The following VSTM1 variants were observed in gnomAD, a reference collection of about 807,000 sequenced individuals.
The protein encoded by VSTM1 is V-set and transmembrane domain containing 1, also known as V-set and transmembrane domain-containing protein 1.
A neutral mutation model predicts 33.1 loss-of-function variants in VSTM1; 27 were observed. That is an observed-to-expected ratio of 0.82 (90% CI 0.60 to 1.12). The LOEUF (loss-of-function observed/expected upper bound fraction) is 1.12, where lower values mean the gene tolerates loss of function less well. Among genes scored for constraint, VSTM1 ranks in the 50% most tolerant of loss-of-function variants. The probability of loss-of-function intolerance (pLI) is 0.00; values close to 1 mark genes in which losing one functional copy is unlikely to be tolerated. For synonymous variants in VSTM1, 115 were observed against 110.3 expected, an observed-to-expected ratio of 1.04 and a Z score of -0.27; for missense variants, 304 against 288.9, an observed-to-expected ratio of 1.05 and a Z score of -0.38.
chr19:54,041,231 GT>G, intron 8 of VSTM1, 151 bp from the exon 9 acceptor site: 1 of 768,694 alleles, frequency 1.3e-6, no homozygotes. Context: ...TTTCTTTTCT[GT>G]TTTTATAACC....
chr19:54,042,843 T>TACAC (rs2070389724), intron 4 of VSTM1, among the ~76,000 whole-genome samples: 1 of 128,872 alleles, frequency 7.8e-6, no homozygotes, highest in Admixed American at 8.0e-5. Context: ...TATATACATA[T>TACAC]ATATATATAT....
At chr19:54,063,320 AGAGT>A (rs1168030233) in intron 1 of VSTM1, among the ~76,000 whole-genome samples, 18 of 152,202 alleles carry the variant, frequency 1.2e-4, no homozygotes, top group Admixed American at 8.5e-4. Context: ...CCTGGGCTAC[AGAGT>A]GAGACTCTGT....
rs1349820836 is a variant in VSTM1 at position 54,056,849 on chromosome 19, C to T, written c.355+1457G>A. Among the ~76,000 whole-genome samples, 8 of 125,516 alleles carry T rather than the reference C, an allele frequency of 6.4e-5. 2 individuals carry two copies. The South Asian group carries it at 1.2e-3, about 19-fold the overall frequency. The allele number at this position is 125,516 out of a possible 152,430, so 82.3% of individuals were successfully genotyped here. On this transcript the variant is annotated intron_variant, in intron 3 of 8. Coordinates refer to ENST00000338372, the MANE Select transcript of VSTM1 (RefSeq NM_198481.4). ...TCCACATTGAAGGTGTTGCATCTAT[C>T]CTTCTTCTTCTTTTTTTTTTTTAGA...
At position 54,058,482 on chromosome 19, in the gene VSTM1, A is replaced by G. The variant is rs941103357; in HGVS notation, c.179T>C (p.Leu60Pro). ...GTACCCAGAGTCGTTCACCTTGCGC[A>G]GCACAAATGTCACATTCTGGGAATG... The part of the protein sequence containing the change: ...QAHSQNVTFV[L>P]RKVNDSGYKQ... The change falls in exon 3 of 9, where the codon CTG becomes CCG. Residue 60 changes from leucine to proline, a missense_variant. Physicochemically the swap from Leu to Pro is moderately conservative, Grantham distance 98. Transcript: ENST00000338372. 1.2e-6 allele frequency: 2 copies of G among 1,614,102 alleles called. No individual in the cohort carries two copies. The highest frequency in any genetic ancestry group is 1.1e-5 in the South Asian group (1 of 91,086).
intron 1 of VSTM1, among the ~76,000 whole-genome samples, chr19:54,061,678 T>G (rs2071400312): frequency 6.6e-6 from 1 of 152,134 alleles, no homozygotes; most frequent in Non-Finnish European, 1.5e-5. Flanking sequence ...TAGTCCAACA[T>G]GGTGGTGTGC....
At chr19:54,050,358 A>G (rs560872675) in intron 4 of VSTM1, among the ~76,000 whole-genome samples, 1 of 152,184 alleles carries the variant, frequency 6.6e-6, no homozygotes, top group Non-Finnish European at 1.5e-5. Flanking sequence ...TTGTTAATGA[A>G]TAAGCAACAT....
At chr19:54,048,764 G>A (rs1308198248) in intron 4 of VSTM1, among the ~76,000 whole-genome samples, 2 of 152,086 alleles carry the variant, frequency 1.3e-5, no homozygotes, top group African/African-American at 4.8e-5. Flanking sequence ...TTAGCCAAGA[G>A]GTGCAGACAA....
intron 4 of VSTM1, among the ~76,000 whole-genome samples, chr19:54,047,767 GAGA>G (rs1568460173): frequency 6.6e-6 from 1 of 152,148 alleles, no homozygotes; most frequent in Non-Finnish European, 1.5e-5. Context: ...CACTAGAAAT[GAGA>G]AGTACATTAT....
At position 54,057,229 on chromosome 19, in the gene VSTM1, G is replaced by A. The variant is rs143725853; in HGVS notation, c.355+1077C>T. Reference sequence around the variant, plus strand: ...TGTCCCACGACAGGAAAAGAAATACGTGCATCAGGCAGGCTTTGGTGACTC... The same window carrying A: ...TGTCCCACGACAGGAAAAGAAATACATGCATCAGGCAGGCTTTGGTGACTC... On this transcript the variant is annotated intron_variant, in intron 3 of 8. Coordinates refer to ENST00000338372, the MANE Select transcript of VSTM1 (RefSeq NM_198481.4). 1.7e-4 allele frequency among the ~76,000 whole-genome samples: 24 copies of A among 140,698 alleles called. 4 individuals carry two copies. Among genetic ancestry groups the A allele is most frequent in the Non-Finnish European group, 2.8e-4 (18 of 63,926 alleles). 92.3% of individuals were successfully genotyped at this position (140,698 alleles called of 152,430 possible).
intron 4 of VSTM1, chr19:54,048,541 G>A: frequency 5.5e-6 from 1 of 182,338 alleles, no homozygotes. Context: ...GTGTTGACAA[G>A]GATGTGGAGA....
chr19:54,052,484 T>C lies in VSTM1; in HGVS notation c.356-1036A>G, dbSNP rs905210548. On this transcript the variant is annotated intron_variant, in intron 3 of 8. Coordinates refer to ENST00000338372, the MANE Select transcript of VSTM1 (RefSeq NM_198481.4). Reference sequence around the variant, plus strand: ...GCAACCACCAGTTGCTTCTGTGAGTTTGGCTTTTTTAGACTACACATATGA... The same window carrying C: ...GCAACCACCAGTTGCTTCTGTGAGTCTGGCTTTTTTAGACTACACATATGA... 2.1e-5 allele frequency among the ~76,000 whole-genome samples: 3 copies of C among 142,476 alleles called. 1 individual carries two copies. Among genetic ancestry groups the C allele is most frequent in the Admixed American group, 1.4e-4 (2 of 13,940 alleles). The allele number at this position is 142,476 out of a possible 152,430, so 93.5% of individuals were successfully genotyped here. A position where few individuals can be genotyped will look rare whatever the true frequency, so the allele number is the denominator to read the frequency against.
chr19:54,061,475 C>T (rs2071391842), intron 1 of VSTM1, among the ~76,000 whole-genome samples: 1 of 152,084 alleles, frequency 6.6e-6, no homozygotes, highest in Admixed American at 6.6e-5. Flanking sequence ...TCCAATATAA[C>T]TTACAAGAAG....
chr19:54,052,972 AC>A (rs1216126714), intron 3 of VSTM1: 1 of 61,822 alleles, frequency 1.6e-5, no homozygotes, highest in Non-Finnish European at 2.9e-5. Flanking sequence ...ACCGAGTGGG[AC>A]CCTGTCTCAA....
In VSTM1 at chr19:54,061,016, CTTT is replaced by C. The variant is rs10693760; in HGVS notation, c.35-2287_35-2285del. Among the ~76,000 whole-genome samples the C allele has an allele frequency of 6.2e-3, 709 of 115,026 alleles. 5 individuals carry two copies. The highest frequency in any genetic ancestry group is 0.022 in the African/African-American group (659 of 29,822). The allele number at this position is 115,026 out of a possible 152,430, so 75.5% of individuals were successfully genotyped here. A position where few individuals can be genotyped will look rare whatever the true frequency, so the allele number is the denominator to read the frequency against. ...CCAATTCCCATATTCTTTTTCTTTT[CTTT>C]TTTTTTTTTTTTTTTTGACATGGAG... On this transcript the variant is annotated intron_variant, in intron 1 of 8. Transcript: ENST00000338372.
rs755689564 is a variant in VSTM1 at position 54,042,376 on chromosome 19, G to A, written c.395-7C>T. 2 of 1,612,736 alleles carry A rather than the reference G, an allele frequency of 1.2e-6. No individual in the cohort carries two copies. The highest frequency in any genetic ancestry group is 1.8e-4 in the Middle Eastern group (1 of 5,662). On this transcript the variant is annotated splice_region_variant and splice_polypyrimidine_tract_variant and intron_variant, in intron 4 of 8. Coordinates refer to ENST00000338372, the MANE Select transcript of VSTM1 (RefSeq NM_198481.4). ...ACAAAGATGGTTCTGGTGTCTGGAG[G>A]GGGAAGAGCAGGTCAGGGAATCAGC... is the stretch of plus-strand genomic sequence containing the variant.
chr19:54,049,026 G>T (rs2070725239), intron 4 of VSTM1, among the ~76,000 whole-genome samples: 2 of 152,190 alleles, frequency 1.3e-5, no homozygotes, highest in African/African-American at 4.8e-5. Context: ...GGAGGTTGCA[G>T]TGAGCTGAGA....
In VSTM1 at chr19:54,058,410, G is replaced by A. The variant is rs368169687; in HGVS notation, c.251C>T (p.Thr84Met). 34 of 1,614,098 alleles carry A rather than the reference G, an allele frequency of 2.1e-5. No homozygotes were observed. Among genetic ancestry groups the A allele is most frequent in the Admixed American group, 1.0e-4 (6 of 59,982 alleles). The change falls in exon 3 of 9, where the codon ACG (threonine) becomes ATG (methionine). Residue 84 changes from threonine (T) to methionine (M), a missense_variant. Thr to Met is a moderately conservative substitution (Grantham distance 81). Transcript: ENST00000338372. ...CCCAGCATCCTTAGGCTTCAGGTCC[G>A]TGAAGGGGAATTCAGCTTCGTTTTC... The part of the protein sequence containing the change: ...SAENEAEFPF[T>M]DLKPKDAGRY...
Position 54,042,814 on chromosome 19 carries a change from A to G in VSTM1, c.395-445T>C, listed in dbSNP as rs1369059020. 8.7e-3 allele frequency among the ~76,000 whole-genome samples: 378 copies of G among 43,472 alleles called. 5 individuals are homozygous for G. Among genetic ancestry groups the G allele is most frequent in the Middle Eastern group, 0.045 (4 of 88 alleles). The allele number at this position is 43,472 out of a possible 152,430, so 28.5% of individuals were successfully genotyped here. A position where few individuals can be genotyped will look rare whatever the true frequency, so the allele number is the denominator to read the frequency against. ...TGTGTATATATAAATGTGTATATAT[A>G]TATATATATATATATATATATATAC... On this transcript the variant is annotated intron_variant, in intron 4 of 8. Coordinates refer to ENST00000338372, the MANE Select transcript of VSTM1 (RefSeq NM_198481.4).
rs146323860 is a variant in VSTM1, at chr19:54,057,678, G to A, written c.355+628C>T. ...ACAAAAATTAGCCAGGTGTGGTGGC[G>A]CACCCCTGTAGTTCCAGCTACTCGG... On this transcript the variant is annotated intron_variant, in intron 3 of 8. Coordinates refer to ENST00000338372, the MANE Select transcript of VSTM1 (RefSeq NM_198481.4). Among the ~76,000 whole-genome samples the A allele has an allele frequency of 5.5e-4, 84 of 151,796 alleles. 1 individual carries two copies. The East Asian group carries it at 8.0e-3, about 14-fold the overall frequency.
Sources: gnomAD v4.1 joint callset for allele counts (sites outside exome capture counted in the v4.1 genomes callset) on GRCh38, gnomAD v4.1.1 for gene constraint, MANE v1.5 for transcripts, NCBI Gene and HGNC (gene_info 2026-07-23, HGNC 2026-07-21) for gene names.